AP4S1: variants seen among roughly 807,000 people sequenced by gnomAD.
AP4S1 encodes the protein AP-4 complex subunit sigma-1.
AP4S1 carries 23 observed loss-of-function variants against 19.8 expected under a neutral mutation model. The ratio of observed to expected loss-of-function variants is 1.16; its 90% CI spans 0.84 to 1.65. The LOEUF is 1.65. Ranked by LOEUF, AP4S1 falls within the 40% of genes most tolerant of loss-of-function variation. The pLI is 0.00. For missense variants in AP4S1, 166 were observed against 172.8 expected (o/e 0.96, Z 0.22); for synonymous variants, 46 against 54.1 (o/e 0.85, Z 0.66).
intron 1 of AP4S1, 128 bp downstream of exon 1, chr14:31,025,915 C>A: frequency 6.2e-7 from 1 of 1,601,108 alleles, no homozygotes; most frequent in Non-Finnish European, 8.5e-7. Context: ...TGCAGTTCGG[C>A]CCGTTCCACC....
intron 1 of AP4S1, among the ~76,000 whole-genome samples, chr14:31,040,177 G>T (rs1258207830): frequency 6.9e-6 from 1 of 145,840 alleles, no homozygotes; most frequent in Non-Finnish European, 1.5e-5. Flanking sequence ...CCTGAGACAG[G>T]GTCTCGTTCC....
chr14:31,035,799 G>A (rs917179836), intron 1 of AP4S1, among the ~76,000 whole-genome samples: 10 of 151,092 alleles, frequency 6.6e-5, no homozygotes, highest in East Asian at 2.0e-4. Context: ...GTGCGATCTC[G>A]ACTCACTGCA....
intron 1 of AP4S1, among the ~76,000 whole-genome samples, chr14:31,062,703 C>T (rs1325540512): frequency 6.6e-6 from 1 of 152,152 alleles, no homozygotes; most frequent in African/African-American, 2.4e-5. Context: ...CGCGGTGGCT[C>T]ATGCCTGTAA....
At chr14:31,072,707 C>T (rs79910202) in intron 3 of AP4S1, among the ~76,000 whole-genome samples, 198 bp from the exon 4 acceptor site, 3 of 152,074 alleles carry the variant, frequency 2.0e-5, no homozygotes, top group Admixed American at 1.3e-4. Context: ...ATCTACATTT[C>T]CCCCATTGAT....
intron 1 of AP4S1, among the ~76,000 whole-genome samples, chr14:31,033,531 CAGAG>C (rs1272278161): frequency 6.6e-5 from 10 of 152,142 alleles, no homozygotes; most frequent in African/African-American, 2.4e-4. Flanking sequence ...CATTTATAAA[CAGAG>C]AGAGCAAGCA....
chr14:31,059,960 TATATATATG>T (rs1886330634), intron 1 of AP4S1, among the ~76,000 whole-genome samples: 1 of 143,766 alleles, frequency 7.0e-6, no homozygotes, highest in African/African-American at 2.6e-5. Flanking sequence ...TTTATTTATG[TATATATATG>T]TATTTATGTA....
chr14:31,055,846 C>CT (rs1302162228), intron 1 of AP4S1, among the ~76,000 whole-genome samples: 4 of 136,748 alleles, frequency 2.9e-5, no homozygotes, highest in African/African-American at 8.1e-5. Context: ...TTTCTTTTTT[C>CT]TTTTTTTGTT....
intron 4 of AP4S1, among the ~76,000 whole-genome samples, chr14:31,078,157 G>A (rs558343459): frequency 1.3e-5 from 2 of 152,292 alleles, no homozygotes; most frequent in Admixed American, 6.5e-5. Flanking sequence ...CCAAGAGGTG[G>A]TCATTCCAGA....
intron 1 of AP4S1, among the ~76,000 whole-genome samples, chr14:31,063,948 T>C (rs866133665): frequency 6.6e-6 from 1 of 152,182 alleles, no homozygotes; most frequent in Non-Finnish European, 1.5e-5. Flanking sequence ...CTCACAGATA[T>C]CACAAAACGT....
chr14:31,051,214 C>A (rs1885772221), intron 1 of AP4S1, among the ~76,000 whole-genome samples: 1 of 151,386 alleles, frequency 6.6e-6, no homozygotes, highest in South Asian at 2.1e-4. Flanking sequence ...CATGTTTGCA[C>A]CACTGCACTC....
intron 1 of AP4S1, among the ~76,000 whole-genome samples, chr14:31,043,699 T>C (rs569770938): frequency 5.9e-5 from 9 of 152,312 alleles, no homozygotes. Context: ...AAAGAAACAA[T>C]GTTTTTGTTA....
intron 1 of AP4S1, among the ~76,000 whole-genome samples, chr14:31,030,404 C>T (rs1884320258): frequency 6.6e-6 from 1 of 152,162 alleles, no homozygotes; most frequent in African/African-American, 2.4e-5. Flanking sequence ...GAGGGAATCT[C>T]ACTATGTTGC....
At chr14:31,084,857 C>G (rs758028160) in intron 5 of AP4S1, 1 of 1,614,096 alleles carries the variant, frequency 6.2e-7, no homozygotes, top group Non-Finnish European at 8.5e-7. Context: ...TTCAAAGGAG[C>G]TGCCTCCACC....
At chr14:31,079,980 C>T (rs568122197) in intron 4 of AP4S1, among the ~76,000 whole-genome samples, 8 of 151,998 alleles carry the variant, frequency 5.3e-5, no homozygotes, top group Non-Finnish European at 8.8e-5. Flanking sequence ...TATACTTTGA[C>T]CTTTATACAT....
intron 1 of AP4S1, chr14:31,026,059 G>A: frequency 2.6e-6 from 4 of 1,515,506 alleles, no homozygotes; most frequent in Non-Finnish European, 3.5e-6. Flanking sequence ...GAGGCCGGAG[G>A]ACCCCCGCCG....
intron 1 of AP4S1, among the ~76,000 whole-genome samples, chr14:31,059,999 A>G (rs1323553190): frequency 1.2e-5 from 1 of 85,254 alleles, no homozygotes; most frequent in African/African-American, 5.3e-5. Flanking sequence ...ATATATTTAT[A>G]TGTATTTATG....
intron 5 of AP4S1, among the ~76,000 whole-genome samples, chr14:31,089,163 CA>C (rs34280899): frequency 0.27 from 28,917 of 105,874 alleles, 3,102 homozygotes; most frequent in Middle Eastern, 0.37. Context: ...TTGTCTTAAC[CA>C]AAAAAAAAAA....
intron 1 of AP4S1, among the ~76,000 whole-genome samples, chr14:31,063,518 A>C (rs1261479937): frequency 4.6e-5 from 7 of 152,056 alleles, no homozygotes; most frequent in Non-Finnish European, 1.0e-4. Flanking sequence ...TACTTGAGAA[A>C]CTGAGGCTAG....
rs1483342818 is a variant in AP4S1, at chr14:31,094,930, T to A, written c.*1895T>A. On this transcript the variant is annotated 3_prime_UTR_variant, in exon 6 of 6. Transcript: ENST00000542754. ...ACTCAGGAGGCTGAGGCAGTAGAAT[T>A]GCTTGAACCCGGGAGGCAGAGGTTG... 6.6e-6 allele frequency: 1 copy of A among 152,128 alleles called. No individual in the cohort carries two copies. The highest frequency in any genetic ancestry group is 1.5e-5 in the Non-Finnish European group (1 of 68,162). 9.4% of individuals were successfully genotyped at this position (152,128 alleles called of 1,614,324 possible).
Sources: allele counts gnomAD v4.1 joint callset (sites outside exome capture counted in the v4.1 genomes callset), GRCh38; gene constraint gnomAD v4.1.1; transcripts MANE v1.5; gene names NCBI Gene and HGNC (gene_info 2026-07-23, HGNC 2026-07-21).